Variants in PCDH9 observed in about 807,000 individuals in gnomAD.
PCDH9 encodes protocadherin-9.
PCDH9 carries 24 observed loss-of-function variants against 70.6 expected under a neutral mutation model. The ratio of observed to expected loss-of-function variants is 0.34; its 90% CI spans 0.25 to 0.48. PCDH9 has a LOEUF of 0.48. Ranked by LOEUF, PCDH9 falls within the 20% of genes least tolerant of loss-of-function variation. PCDH9 has a pLI of 0.99. For synonymous variants in PCDH9, 562 were observed against 558.5 expected, an observed-to-expected ratio of 1.01 and a Z score of -0.09; for missense variants, 1,281 against 1,503.6, an observed-to-expected ratio of 0.85 and a Z score of 2.45.
At chr13:66,864,937 G>A (rs1347043743) in intron 3 of PCDH9, among the ~76,000 whole-genome samples, 4 of 152,214 alleles carry the variant, frequency 2.6e-5, no homozygotes, top group Non-Finnish European at 5.9e-5. Flanking sequence ...GCCGTGGTGA[G>A]AACCTGCAGG....
intron 2 of PCDH9, among the ~76,000 whole-genome samples, chr13:67,180,793 A>G (rs1177168367): frequency 6.6e-6 from 1 of 152,082 alleles, no homozygotes; most frequent in Non-Finnish European, 1.5e-5. Flanking sequence ...GCAAGTCTGA[A>G]TTAATTTTCT....
chr13:66,480,584 T>C (rs566534828), intron 4 of PCDH9, among the ~76,000 whole-genome samples: 4 of 152,164 alleles, frequency 2.6e-5, no homozygotes, highest in Non-Finnish European at 5.9e-5. Flanking sequence ...TTTAAGAAAT[T>C]GCTTGCAAAT....
intron 3 of PCDH9, among the ~76,000 whole-genome samples, chr13:66,667,580 G>C (rs372393484): frequency 6.6e-6 from 1 of 152,044 alleles, no homozygotes. Flanking sequence ...AATTTATCGT[G>C]TTTTATTACT....
intron 2 of PCDH9, among the ~76,000 whole-genome samples, chr13:67,044,297 T>C (rs1450750554): frequency 6.6e-6 from 1 of 152,006 alleles, no homozygotes; most frequent in Non-Finnish European, 1.5e-5. Context: ...CTTCAGAAAA[T>C]AGTAAGAAAT....
intron 2 of PCDH9, among the ~76,000 whole-genome samples, chr13:66,963,227 G>C (rs1407356332): frequency 6.6e-6 from 1 of 152,190 alleles, no homozygotes; most frequent in African/African-American, 2.4e-5. Context: ...GCGGCCCTGG[G>C]CCCCTAATAG....
At chr13:66,447,434 G>C (rs951146702) in intron 4 of PCDH9, among the ~76,000 whole-genome samples, 1 of 151,964 alleles carries the variant, frequency 6.6e-6, no homozygotes, top group Admixed American at 6.6e-5. Context: ...TATGTCAAAG[G>C]AATCTGCCCA....
chr13:66,954,936 T>C (rs1299328777), intron 2 of PCDH9, among the ~76,000 whole-genome samples: 1 of 152,146 alleles, frequency 6.6e-6, no homozygotes, highest in South Asian at 2.1e-4. Context: ...GCTAATTTTT[T>C]GTATTTTTAG....
intron 4 of PCDH9, among the ~76,000 whole-genome samples, chr13:66,596,169 A>G (rs953716702): frequency 6.6e-6 from 1 of 151,598 alleles, no homozygotes; most frequent in Non-Finnish European, 1.5e-5. Flanking sequence ...ATTGTCTTCC[A>G]TGTTCTGTAG....
At chr13:67,107,632 C>T (rs2086574739) in intron 2 of PCDH9, among the ~76,000 whole-genome samples, 2 of 152,308 alleles carry the variant, frequency 1.3e-5, no homozygotes, top group South Asian at 4.1e-4. Flanking sequence ...TGTTCTGTTG[C>T]TCAATGAAGC....
chr13:66,655,617 A>T (rs1003080620), intron 3 of PCDH9, among the ~76,000 whole-genome samples: 2 of 152,236 alleles, frequency 1.3e-5, no homozygotes, highest in Middle Eastern at 3.4e-3. Context: ...TATTTATAAA[A>T]AGTGTTAAGA....
chr13:66,833,072 G>C (rs535499732), intron 3 of PCDH9, among the ~76,000 whole-genome samples: 123 of 151,842 alleles, frequency 8.1e-4, no homozygotes, highest in Non-Finnish European at 3.8e-4. Context: ...ATTTTAAATC[G>C]TATACTCTAC....
chr13:66,854,727 C>G (rs1175486217), intron 3 of PCDH9, among the ~76,000 whole-genome samples: 2 of 151,906 alleles, frequency 1.3e-5, no homozygotes, highest in African/African-American at 2.4e-5. Context: ...CACAAAAACT[C>G]TGTGATATGC....
intron 2 of PCDH9, among the ~76,000 whole-genome samples, chr13:66,962,968 T>C (rs185491322): frequency 1.9e-3 from 282 of 152,254 alleles, no homozygotes; most frequent in African/African-American, 6.3e-3. Flanking sequence ...CCTAAGCTTG[T>C]TTTCCTGCAA....
chr13:66,890,721 C>T (rs985077803), intron 3 of PCDH9, among the ~76,000 whole-genome samples: 1 of 151,994 alleles, frequency 6.6e-6, no homozygotes, highest in Admixed American at 6.6e-5. Context: ...CAATCTATCA[C>T]CTAATAGCCT....
intron 4 of PCDH9, among the ~76,000 whole-genome samples, chr13:66,623,698 C>G (rs2077462400): frequency 6.6e-6 from 1 of 152,170 alleles, no homozygotes; most frequent in Non-Finnish European, 1.5e-5. Flanking sequence ...CTCAGCCTCC[C>G]AAATCGCTGG....
intron 2 of PCDH9, among the ~76,000 whole-genome samples, chr13:67,076,045 T>C (rs1008723119): frequency 6.6e-6 from 1 of 152,142 alleles, no homozygotes; most frequent in Non-Finnish European, 1.5e-5. Context: ...GTTTATAGTT[T>C]AAAGCAAGCA....
At chr13:66,717,451 C>CAAAAA (rs1246391058) in intron 3 of PCDH9, among the ~76,000 whole-genome samples, 17 of 50,444 alleles carry the variant, frequency 3.4e-4, no homozygotes, top group African/African-American at 1.7e-3. Flanking sequence ...GACTCTGTCT[C>CAAAAA]AAAAAAAAAA....
At chr13:66,711,877 A>G (rs1387954401) in intron 3 of PCDH9, among the ~76,000 whole-genome samples, 1 of 152,122 alleles carries the variant, frequency 6.6e-6, no homozygotes, top group South Asian at 2.1e-4. Context: ...ACAGCAACAC[A>G]TTGCTGAGAT....
chr13:66,339,655 A>G (rs1002723291), intron 4 of PCDH9, among the ~76,000 whole-genome samples: 8 of 152,062 alleles, frequency 5.3e-5, no homozygotes, highest in Admixed American at 5.2e-4. Context: ...CAATTGCTTT[A>G]TTTTACATTA....
Sources: gnomAD v4.1 joint callset for allele counts (sites outside exome capture counted in the v4.1 genomes callset) on GRCh38, gnomAD v4.1.1 for gene constraint, MANE v1.5 for transcripts, NCBI Gene and HGNC (gene_info 2026-07-23, HGNC 2026-07-21) for gene names.